Variants in ARHGEF18 observed in about 807,000 individuals in gnomAD.
ARHGEF18 encodes rho guanine nucleotide exchange factor 18.
In ARHGEF18, 93 loss-of-function variants were observed where a neutral mutation model predicts 155.7. The observed-to-expected ratio is 0.60, with a 90% CI of 0.50 to 0.71. The LOEUF is 0.71. Among genes scored for constraint, ARHGEF18 ranks in the 30% least tolerant of loss-of-function variants. The pLI is 0.00. For synonymous variants in ARHGEF18, 742 were observed against 753.1 expected (o/e 0.99, Z 0.24); for missense variants, 1,593 against 1,816.1 (o/e 0.88, Z 2.23).
At chr19:7,423,660 G>A (rs1040365434) in intron 10 of ARHGEF18, among the ~76,000 whole-genome samples, 18 of 150,728 alleles carry the variant, frequency 1.2e-4, no homozygotes, top group African/African-American at 3.7e-4. Flanking sequence ...AGCCGAGATC[G>A]CGCCACTGCA....
intron 7 of ARHGEF18, among the ~76,000 whole-genome samples, chr19:7,380,704 A>G (rs1434300294): frequency 1.3e-5 from 2 of 150,150 alleles, no homozygotes; most frequent in Admixed American, 6.6e-5. Context: ...GAAAAAAAAC[A>G]TCTTCCTGCT....
In ARHGEF18 at chr19:7,389,512, TTCC is replaced by T. The variant is rs398033826; in HGVS notation, c.967+6311_967+6313del. Reference sequence around the variant, plus strand: ...CTTCCTTCCTCCCTTCCTTCCTTCCTTCCTTTCTTTCTTTCTTATTTACTTATT... The same window carrying T: ...CTTCCTTCCTCCCTTCCTTCCTTCCTTTTCTTTCTTTCTTATTTACTTATT... On this transcript the variant is annotated intron_variant, in intron 10 of 28. Transcript: ENST00000668164. Among the ~76,000 whole-genome samples, 6 of 140,410 alleles carry T rather than the reference TTCC, an allele frequency of 4.3e-5. No homozygotes were observed. In the South Asian group the frequency reaches 8.6e-4, roughly 20 times the overall value. 92.1% of individuals were successfully genotyped at this position (140,410 alleles called of 152,430 possible). A position where few individuals can be genotyped will look rare whatever the true frequency, so the allele number is the denominator to read the frequency against.
intron 10 of ARHGEF18, 137 bp downstream of exon 10, chr19:7,383,340 G>GTTCTCTCC: frequency 3.0e-6 from 3 of 999,112 alleles, no homozygotes; most frequent in Non-Finnish European, 3.9e-6. Flanking sequence ...CGGCTCCCTG[G>GTTCTCTCC]AGAGAACCAG....
At chr19:7,456,660 T>G (rs1012510562) in intron 18 of ARHGEF18, among the ~76,000 whole-genome samples, 4 of 152,198 alleles carry the variant, frequency 2.6e-5, no homozygotes, top group African/African-American at 7.2e-5. Context: ...AAGGTTGCAG[T>G]GAGCTGAGAT....
chr19:7,433,786 G>A (rs1019116351), intron 10 of ARHGEF18, among the ~76,000 whole-genome samples: 3 of 151,966 alleles, frequency 2.0e-5, no homozygotes, highest in Middle Eastern at 3.4e-3. Flanking sequence ...TTGGAAGGCC[G>A]AGGCAGGCGA....
intron 10 of ARHGEF18, among the ~76,000 whole-genome samples, chr19:7,434,217 A>G (rs1974130294): frequency 6.6e-6 from 1 of 151,912 alleles, no homozygotes; most frequent in South Asian, 2.1e-4. Flanking sequence ...TCGAACACCT[A>G]GCCTCAAGCG....
At chr19:7,382,743 C>T (rs974716232) in intron 8 of ARHGEF18, 49 bp from the exon 9 acceptor site, 3 of 1,215,496 alleles carry the variant, frequency 2.5e-6, no homozygotes, top group Admixed American at 8.4e-5. Flanking sequence ...AGGGCTGCCT[C>T]AGAATGGCCC....
intron 10 of ARHGEF18, among the ~76,000 whole-genome samples, chr19:7,412,667 A>T (rs1972758088): frequency 6.6e-6 from 1 of 150,964 alleles, no homozygotes; most frequent in South Asian, 2.1e-4. Flanking sequence ...ACTTGAACCC[A>T]GGAGGCGGAG....
chr19:7,364,799 CTCGTAAACATAGTT>C (rs1248658532), intron 2 of ARHGEF18, among the ~76,000 whole-genome samples: 1 of 152,104 alleles, frequency 6.6e-6, no homozygotes, highest in Admixed American at 6.6e-5. Flanking sequence ...AGGGAGAGGT[CTCGTAAACATAGTT>C]CAGCTCCAGC....
rs115794321 is a variant in ARHGEF18 at position 7,449,255 on chromosome 19, G to A, written c.1738-1894G>A. Among the ~76,000 whole-genome samples the A allele has an allele frequency of 9.5e-3, 1,439 of 152,136 alleles. 18 individuals are homozygous for A. The highest frequency in any genetic ancestry group is 0.02 in the Middle Eastern group (6 of 294). ...AGAGAGTGTCAGGTGACCCCTTTTG[G>A]TTCTTAGCCAGAGGTGAGCATCAGA... is the stretch of plus-strand genomic sequence containing the variant. On this transcript the variant is annotated intron_variant, in intron 15 of 28. Coordinates refer to ENST00000668164, the MANE Select transcript of ARHGEF18 (RefSeq NM_001367823.1).
At chr19:7,437,648 T>TC (rs1364767818) in intron 10 of ARHGEF18, among the ~76,000 whole-genome samples, 1 of 151,564 alleles carries the variant, frequency 6.6e-6, no homozygotes, top group Non-Finnish European at 1.5e-5. Flanking sequence ...TCTTTTTTTT[T>TC]TCTTTTTTTT....
chr19:7,384,214 A>G (rs996239631), intron 10 of ARHGEF18, among the ~76,000 whole-genome samples: 2 of 152,134 alleles, frequency 1.3e-5, no homozygotes, highest in Non-Finnish European at 2.9e-5. Context: ...TATCCTGTGC[A>G]TTGTAGGATA....
Position 7,401,200 on chromosome 19 carries a change from C to T in ARHGEF18, c.967+17997C>T, listed in dbSNP as rs1269319371. On this transcript the variant is annotated intron_variant, in intron 10 of 28. Coordinates refer to ENST00000668164, the MANE Select transcript of ARHGEF18 (RefSeq NM_001367823.1). ...AGGCAGCAAGGGATCAGCTCTGTAG[C>T]GCTGACAATGCCAGGGTGTGGTGGC... 5.3e-5 allele frequency among the ~76,000 whole-genome samples: 8 copies of T among 152,140 alleles called. No individual in the cohort carries two copies. In the South Asian group the frequency reaches 6.2e-4, roughly 12 times the overall value.
At chr19:7,381,610 G>T (rs550741157) in intron 8 of ARHGEF18, among the ~76,000 whole-genome samples, 1 of 151,846 alleles carries the variant, frequency 6.6e-6, no homozygotes, top group African/African-American at 2.4e-5. Context: ...CCCAGGAGGC[G>T]GAGGTTGCAG....
At chr19:7,472,949 G>A (rs780219366), downstream of ARHGEF18, 11 of 455,328 alleles carry the variant, frequency 2.4e-5, 1 homozygote, top group South Asian at 9.3e-5. Flanking sequence ...TGATCTGCCC[G>A]CCTCAGCCTC....
intron 10 of ARHGEF18, among the ~76,000 whole-genome samples, chr19:7,435,668 G>A (rs1974215417): frequency 2.0e-5 from 3 of 152,090 alleles, no homozygotes; most frequent in Admixed American, 2.0e-4. Flanking sequence ...TGCATCCATG[G>A]TCAGCAAAGC....
chr19:7,361,714 C>T (rs568778987), intron 1 of ARHGEF18, among the ~76,000 whole-genome samples: 2 of 152,104 alleles, frequency 1.3e-5, no homozygotes, highest in East Asian at 1.9e-4. Flanking sequence ...AAGCACTGGC[C>T]GGGCACCGTG....
chr19:7,477,697 G>C, the ARHGEF18 span, among the ~76,000 whole-genome samples: 1 of 152,194 alleles, frequency 6.6e-6, no homozygotes, highest in Non-Finnish European at 1.5e-5. Context: ...CCAGAGATGG[G>C]GATTCCTTGT....
intron 1 of ARHGEF18, among the ~76,000 whole-genome samples, chr19:7,357,878 T>C (rs764379365): frequency 6.6e-6 from 1 of 152,072 alleles, no homozygotes; most frequent in Non-Finnish European, 1.5e-5. Flanking sequence ...CATTCATTCC[T>C]CAATCTGTTG....
Sources: allele counts gnomAD v4.1 joint callset (sites outside exome capture counted in the v4.1 genomes callset), GRCh38; gene constraint gnomAD v4.1.1; transcripts MANE v1.5; gene names NCBI Gene and HGNC (gene_info 2026-07-23, HGNC 2026-07-21).